Variants in SMAD6 observed in about 807,000 individuals in gnomAD.
The protein encoded by SMAD6 is SMAD family member 6, also known as MAD homolog 6.
A neutral mutation model predicts 39.4 loss-of-function variants in SMAD6; 103 were observed. The observed-to-expected ratio is 2.62, with a 90% CI of 2.23 to 3.08. SMAD6 has a LOEUF of 3.08. SMAD6 is among the 30% of genes most tolerant of loss of function. The pLI is 0.00. For missense variants in SMAD6, 1,104 were observed against 742.9 expected (o/e 1.49, Z -5.65); for synonymous variants, 445 against 353.3 (o/e 1.26, Z -2.91).
Position 66,702,581 on chromosome 15 carries a change from T to C in SMAD6, c.-678T>C, listed in dbSNP as rs1277817813. On this transcript the variant is annotated 5_prime_UTR_variant, in exon 1 of 4. It removes the in-frame stop codon of an upstream open reading frame in the 5' UTR. Coordinates refer to ENST00000288840, the MANE Select transcript of SMAD6 (RefSeq NM_005585.5). ...ATTTTTACAGCTTCCACTCATGTGT[T>C]GACACCCGCGTCCAGGAGAAACTCG... 1.3e-5 allele frequency: 2 copies of C among 152,564 alleles called. No individual in the cohort carries two copies. The highest frequency in any genetic ancestry group is 4.8e-5 in the African/African-American group (2 of 41,438). 9.5% of individuals were successfully genotyped at this position (152,564 alleles called of 1,614,324 possible).
chr15:66,764,442 G>A (rs1894255850), intron 3 of SMAD6, among the ~76,000 whole-genome samples: 2 of 151,946 alleles, frequency 1.3e-5, no homozygotes, highest in Non-Finnish European at 2.9e-5. Context: ...CAGTATTTAG[G>A]GAAGAGAAGC....
rs1399390207 is a variant in SMAD6, at chr15:66,703,488, C to A, written c.230C>A (p.Ala77Asp). 8.1e-7 allele frequency: 1 copy of A among 1,234,074 alleles called. No individual in the cohort carries two copies. Among genetic ancestry groups the A allele is most frequent in the African/African-American group, 1.6e-5 (1 of 63,734 alleles). The allele number at this position is 1,234,074 out of a possible 1,614,324, so 76.4% of individuals were successfully genotyped here. Residue 77 changes from alanine to aspartate, a missense_variant, in exon 1 of 4, where the codon GCC becomes GAC. Transcript: ENST00000288840. ...RPRDAVGQRG[A>D]QGAGRRRRAG... ...CGGGACGCAGTGGGACAGCGAGGCGCCCAGGGCGCGGGGAGGCGCCGGCGC... is the reference window on the plus strand; with the variant it reads ...CGGGACGCAGTGGGACAGCGAGGCGACCAGGGCGCGGGGAGGCGCCGGCGC...
chr15:66,718,111 C>CGTGGGTGTGTGTGTGTGTGTGT (rs1893365854), intron 3 of SMAD6, among the ~76,000 whole-genome samples: 1 of 137,158 alleles, frequency 7.3e-6, no homozygotes, highest in African/African-American at 2.9e-5. Flanking sequence ...ATGGAAAGTC[C>CGTGGGTGTGTGTGTGTGTGTGT]GTGTGTGTGT....
intron 3 of SMAD6, among the ~76,000 whole-genome samples, chr15:66,731,130 C>G (rs533948452): frequency 6.6e-6 from 1 of 152,324 alleles, no homozygotes; most frequent in Admixed American, 6.5e-5. Flanking sequence ...GAGAACATTT[C>G]TATTACCCTT....
chr15:66,772,942 T>C (rs1275506747), intron 3 of SMAD6, among the ~76,000 whole-genome samples: 1 of 152,164 alleles, frequency 6.6e-6, no homozygotes, highest in African/African-American at 2.4e-5. Flanking sequence ...TTCCTCAGTC[T>C]CCCTCCTCCT....
Position 66,703,825 on chromosome 15 carries a change from C to CA in SMAD6, c.568dup (p.Thr190AsnfsTer113). 1 of 1,419,794 alleles carries CA rather than the reference C, an allele frequency of 7.0e-7. No homozygotes were observed. The highest frequency in any genetic ancestry group is 9.3e-7 in the Non-Finnish European group (1 of 1,075,618). The allele number at this position is 1,419,794 out of a possible 1,614,324, so 87.9% of individuals were successfully genotyped here. A position where few individuals can be genotyped will look rare whatever the true frequency, so the allele number is the denominator to read the frequency against. On this transcript the variant is annotated frameshift_variant, in exon 1 of 4. Coordinates refer to ENST00000288840, the MANE Select transcript of SMAD6 (RefSeq NM_005585.5). LOFTEE classifies it high-confidence loss of function. ...AGCGGCTCAAGGAGCGCTCGCTGGA[C>CA]ACGCTGCTGGAGGCGGTGGAGTCCC...
At chr15:66,735,074 C>T (rs983664520) in intron 3 of SMAD6, among the ~76,000 whole-genome samples, 3 of 152,222 alleles carry the variant, frequency 2.0e-5, no homozygotes, top group African/African-American at 4.8e-5. Flanking sequence ...ATGCCATCCC[C>T]TGCTTTTAGG....
At chr15:66,725,768 G>A (rs983722522) in intron 3 of SMAD6, among the ~76,000 whole-genome samples, 1 of 152,202 alleles carries the variant, frequency 6.6e-6, no homozygotes, top group Non-Finnish European at 1.5e-5. Context: ...TCATCAGTGG[G>A]GAGCATTGGG....
At chr15:66,707,217 T>C (rs901146356) in intron 1 of SMAD6, 2 of 152,130 alleles carry the variant, frequency 1.3e-5, no homozygotes, top group African/African-American at 4.8e-5. Context: ...TTTATAGAGC[T>C]CCTTTCTCCT....
intron 3 of SMAD6, among the ~76,000 whole-genome samples, chr15:66,756,795 A>G (rs1322741792): frequency 6.6e-6 from 1 of 152,250 alleles, no homozygotes; most frequent in African/African-American, 2.4e-5. Flanking sequence ...AGTGGTTTGC[A>G]GCATGAGCTG....
At chr15:66,774,431 C>G (rs921200651) in intron 3 of SMAD6, among the ~76,000 whole-genome samples, 8 of 152,140 alleles carry the variant, frequency 5.3e-5, no homozygotes, top group Non-Finnish European at 1.0e-4. Context: ...AAAAGAATGC[C>G]AGCCATCAGA....
intron 3 of SMAD6, among the ~76,000 whole-genome samples, chr15:66,746,343 T>C (rs1216445690): frequency 6.6e-6 from 1 of 152,148 alleles, no homozygotes; most frequent in Non-Finnish European, 1.5e-5. Context: ...CTGTGGGGCA[T>C]GTGGGACGTG....
Position 66,711,658 on chromosome 15 carries a change from T to A in SMAD6, c.818-10T>A. The stretch of plus-strand genomic sequence containing the variant: ...ACCCTGGCAGTGACATGCTGTCTCC[T>A]GTCTTCCAGAATCTCCGCCACCTCC... On this transcript the variant is annotated splice_polypyrimidine_tract_variant and intron_variant, in intron 1 of 3. Coordinates refer to ENST00000288840, the MANE Select transcript of SMAD6 (RefSeq NM_005585.5). The A allele has an allele frequency of 6.2e-7, 1 of 1,612,838 alleles. No individual in the cohort carries two copies. Among genetic ancestry groups the A allele is most frequent in the Admixed American group, 1.7e-5 (1 of 60,036 alleles).
intron 3 of SMAD6, among the ~76,000 whole-genome samples, chr15:66,731,758 G>C (rs1893634117): frequency 6.6e-6 from 1 of 152,110 alleles, no homozygotes. Context: ...GGATTGCTGG[G>C]TATATGGTTG....
Position 66,703,859 on chromosome 15 carries a change from G to T in SMAD6, c.601G>T (p.Val201Leu). 1 of 1,346,378 alleles carries T rather than the reference G, an allele frequency of 7.4e-7. No individual in the cohort carries two copies. The highest frequency in any genetic ancestry group is 1.5e-5 in the African/African-American group (1 of 66,396). The allele number at this position is 1,346,378 out of a possible 1,614,324, so 83.4% of individuals were successfully genotyped here. ...GGAGGCGGTGGAGTCCCGCGGCGGCGTGCCGGGCGGCTGCGTGCTGGTGCC... is the reference window on the plus strand; with the variant it reads ...GGAGGCGGTGGAGTCCCGCGGCGGCTTGCCGGGCGGCTGCGTGCTGGTGCC... ...LLEAVESRGG[V>L]PGGCVLVPRA... The change falls in exon 1 of 4, where the codon GTG becomes TTG. Residue 201 changes from valine to leucine, a missense_variant. Transcript: ENST00000288840.
At position 66,775,198 on chromosome 15, in the gene SMAD6, T is replaced by C. The variant is rs76445832; in HGVS notation, c.953-5799T>C. Among the ~76,000 whole-genome samples, 1,922 of 152,120 alleles carry C rather than the reference T, an allele frequency of 0.013. 112 individuals are homozygous for C. The East Asian group carries it at 0.18, about 14-fold the overall frequency. Reference sequence around the variant, plus strand: ...TTACGTCGCCGTAGATTAGTTTGCCTTTTCAAGAGTTTTGTCTTGGTGGAA... The same window carrying C: ...TTACGTCGCCGTAGATTAGTTTGCCCTTTCAAGAGTTTTGTCTTGGTGGAA... On this transcript the variant is annotated intron_variant, in intron 3 of 3. Transcript: ENST00000288840.
intron 3 of SMAD6, among the ~76,000 whole-genome samples, chr15:66,759,350 G>T (rs1022832199): frequency 8.5e-5 from 13 of 152,154 alleles, no homozygotes; most frequent in African/African-American, 3.1e-4. Flanking sequence ...GAGAGAGAGA[G>T]AGAGAGAGAA....
At chr15:66,771,424 G>A (rs569668964) in intron 3 of SMAD6, among the ~76,000 whole-genome samples, 3 of 152,352 alleles carry the variant, frequency 2.0e-5, no homozygotes, top group Non-Finnish European at 4.4e-5. Flanking sequence ...CTGCCAGAGA[G>A]GTGGGGCCAA....
chr15:66,770,913 G>A (rs1894368244), intron 3 of SMAD6, among the ~76,000 whole-genome samples: 1 of 152,204 alleles, frequency 6.6e-6, no homozygotes. Context: ...CACAGAGTCT[G>A]ATGGATGAGT....
Sources: gnomAD v4.1 joint callset for allele counts (sites outside exome capture counted in the v4.1 genomes callset) on GRCh38, gnomAD v4.1.1 for gene constraint, MANE v1.5 for transcripts, NCBI Gene and HGNC (gene_info 2026-07-23, HGNC 2026-07-21) for gene names.